STIM1: variants seen among roughly 807,000 people sequenced by gnomAD.
The protein encoded by STIM1 is stromal interaction molecule 1.
STIM1 carries 25 observed loss-of-function variants against 74.7 expected under a neutral mutation model. The observed-to-expected ratio is 0.33, with a 90% CI of 0.24 to 0.47. STIM1 has a LOEUF of 0.47. Among genes scored for constraint, STIM1 ranks in the 20% least tolerant of loss-of-function variants. The pLI is 1.00. For missense variants in STIM1, 728 were observed against 920.8 expected, an observed-to-expected ratio of 0.79 and a Z score of 2.71; for synonymous variants, 328 against 348.8, an observed-to-expected ratio of 0.94 and a Z score of 0.66.
intron 1 of STIM1, among the ~76,000 whole-genome samples, chr11:3,887,014 AAAG>A (rs888554243): frequency 5.9e-5 from 9 of 152,070 alleles, no homozygotes; most frequent in African/African-American, 1.9e-4. Context: ...AGAAAAAAAA[AAAG>A]AAGAGAGACG....
intron 1 of STIM1, among the ~76,000 whole-genome samples, chr11:3,964,648 C>T (rs2093322487): frequency 6.6e-6 from 1 of 151,974 alleles, no homozygotes; most frequent in Non-Finnish European, 1.5e-5. Flanking sequence ...TTTAAAAAGC[C>T]TATTAGAAGT....
At chr11:3,994,604 C>T (rs551332386) in intron 2 of STIM1, among the ~76,000 whole-genome samples, 24 of 151,832 alleles carry the variant, frequency 1.6e-4, no homozygotes, top group East Asian at 1.2e-3. Context: ...GGATCGCAGG[C>T]GTACACCACC....
chr11:3,925,750 A>T (rs1388102115), intron 1 of STIM1, among the ~76,000 whole-genome samples: 1 of 152,210 alleles, frequency 6.6e-6, no homozygotes, highest in East Asian at 1.9e-4. Context: ...ATCAATAACA[A>T]TGTAATGTAA....
intron 1 of STIM1, among the ~76,000 whole-genome samples, chr11:3,897,276 G>A (rs2092206939): frequency 1.3e-5 from 2 of 152,122 alleles, no homozygotes; most frequent in Admixed American, 1.3e-4. Flanking sequence ...CCTGATAAAG[G>A]CTCTTCTTTC....
chr11:3,967,435 C>A lies in STIM1; in HGVS notation c.140-117C>A, dbSNP rs567663511. 1.1e-4 allele frequency: 159 copies of A among 1,467,020 alleles called. 1 individual carries two copies. Among genetic ancestry groups the A allele is most frequent in the Admixed American group, 7.1e-4 (42 of 59,498 alleles). The allele number at this position is 1,467,020 out of a possible 1,614,324, so 90.9% of individuals were successfully genotyped here. A position where few individuals can be genotyped will look rare whatever the true frequency, so the allele number is the denominator to read the frequency against. On this transcript the variant is annotated intron_variant, in intron 1 of 12. Transcript: ENST00000526596. ...AACACCTCTGTCACTGTACAAGTAG[C>A]CAGTTAAGTGCCTACATGAGGAGTC...
At chr11:3,938,772 G>A (rs1017734884) in intron 1 of STIM1, among the ~76,000 whole-genome samples, 2 of 152,116 alleles carry the variant, frequency 1.3e-5, no homozygotes, top group Non-Finnish European at 2.9e-5. Flanking sequence ...GCTTGAACCC[G>A]GGAGGCAGAG....
At position 3,924,029 on chromosome 11, in the gene STIM1, T is replaced by G. The variant is rs1048985875; in HGVS notation, c.140-43523T>G. 1.3e-5 allele frequency among the ~76,000 whole-genome samples: 2 copies of G among 151,808 alleles called. 1 individual carries two copies. Reference sequence around the variant, plus strand: ...TATTTATTTATTTTTTAAATTAGAGTCAGGGTCTCACTATGTTGCCCAGGC... The same window carrying G: ...TATTTATTTATTTTTTAAATTAGAGGCAGGGTCTCACTATGTTGCCCAGGC... On this transcript the variant is annotated intron_variant, in intron 1 of 12. Coordinates refer to ENST00000526596, the MANE Select transcript of STIM1 (RefSeq NM_001382567.1).
intron 1 of STIM1, among the ~76,000 whole-genome samples, chr11:3,907,862 A>G (rs2092492145): frequency 6.6e-6 from 1 of 152,142 alleles, no homozygotes. Context: ...GGGCCTTTGC[A>G]TTGGTTCTTC....
At chr11:3,916,497 G>C (rs11030254) in intron 1 of STIM1, among the ~76,000 whole-genome samples, 78,992 of 149,094 alleles carry the variant, frequency 0.53, 22,176 homozygotes, top group African/African-American at 0.74. Flanking sequence ...GTCCCCCAGG[G>C]TGGAGTGTAA....
At chr11:4,054,304 A>G (rs1345762691) in intron 3 of STIM1, among the ~76,000 whole-genome samples, 1 of 152,174 alleles carries the variant, frequency 6.6e-6, no homozygotes, top group African/African-American at 2.4e-5. Context: ...CAATACTAGT[A>G]GCTATCTTAG....
At chr11:3,857,169 A>G (rs1406944081) in intron 1 of STIM1, among the ~76,000 whole-genome samples, 1 of 117,888 alleles carries the variant, frequency 8.5e-6, no homozygotes, top group African/African-American at 3.3e-5. Context: ...TTGATCTGTC[A>G]TGGTTTTTCC....
chr11:3,899,728 C>T (rs571123122), intron 1 of STIM1, among the ~76,000 whole-genome samples: 1 of 146,062 alleles, frequency 6.8e-6, no homozygotes, highest in Non-Finnish European at 1.5e-5. Context: ...TAGCATGAAG[C>T]GTTGTTGAAT....
At chr11:4,008,164 T>C (rs1016074600) in intron 2 of STIM1, among the ~76,000 whole-genome samples, 1 of 152,196 alleles carries the variant, frequency 6.6e-6, no homozygotes, top group African/African-American at 2.4e-5. Context: ...TGGATATGTT[T>C]AGGTACACAA....
intron 1 of STIM1, among the ~76,000 whole-genome samples, chr11:3,895,543 C>T (rs573084186): frequency 6.6e-6 from 1 of 152,212 alleles, no homozygotes; most frequent in East Asian, 1.9e-4. Context: ...AAAGGAGATG[C>T]ACTTAACCAA....
intron 2 of STIM1, among the ~76,000 whole-genome samples, chr11:4,011,718 TG>T (rs1391297781): frequency 6.6e-6 from 1 of 152,210 alleles, no homozygotes; most frequent in Admixed American, 6.5e-5. Context: ...GCAGAAGCTC[TG>T]TAGTTTAATT....
intron 2 of STIM1, among the ~76,000 whole-genome samples, chr11:4,011,877 A>G (rs1176504697): frequency 6.6e-6 from 1 of 152,156 alleles, no homozygotes; most frequent in South Asian, 2.1e-4. Context: ...TAAGTCTTTA[A>G]TCCATCTCTA....
At chr11:3,946,996 C>T (rs1171112383) in intron 1 of STIM1, among the ~76,000 whole-genome samples, 2 of 151,590 alleles carry the variant, frequency 1.3e-5, no homozygotes, top group African/African-American at 4.9e-5. Context: ...AATCACTTCT[C>T]TTTTGGGGGG....
chr11:3,874,381 C>T (rs2091242103), intron 1 of STIM1, among the ~76,000 whole-genome samples: 1 of 152,198 alleles, frequency 6.6e-6, no homozygotes, highest in South Asian at 2.1e-4. Flanking sequence ...TTTGCCAGAT[C>T]AGGGCTAGTG....
rs988203753 is a variant in STIM1 at position 4,038,476 on chromosome 11, A to T, written c.385+14489A>T. On this transcript the variant is annotated intron_variant, in intron 3 of 12. Coordinates refer to ENST00000526596, the MANE Select transcript of STIM1 (RefSeq NM_001382567.1). ...TTTCATTTCCCTCTCTCAAGCTTAG[A>T]TTTTAATCCTTGCACTGTGGCTTGG... Among the ~76,000 whole-genome samples the T allele has an allele frequency of 4.6e-5, 7 of 151,948 alleles. No homozygotes were observed. In the South Asian group the frequency reaches 1.4e-3, roughly 31 times the overall value.
Sources: allele counts gnomAD v4.1 joint callset (sites outside exome capture counted in the v4.1 genomes callset), GRCh38; gene constraint gnomAD v4.1.1; transcripts MANE v1.5; gene names NCBI Gene and HGNC (gene_info 2026-07-23, HGNC 2026-07-21).